The following MOBP variants were observed in gnomAD, a reference collection of about 807,000 sequenced individuals.
MOBP encodes the protein myelin associated oligodendrocyte basic protein, also known as myelin-associated oligodendrocyte basic protein.
MOBP carries 5 observed loss-of-function variants against 15.0 expected under a neutral mutation model. That is an observed-to-expected ratio of 0.33 (90% CI 0.17 to 0.70). MOBP has a LOEUF of 0.70. MOBP is among the 30% of genes least tolerant of loss of function. The probability of loss-of-function intolerance (pLI) is 0.67; values close to 1 mark genes in which losing one functional copy is unlikely to be tolerated. For missense variants in MOBP, 188 were observed against 257.8 expected, an observed-to-expected ratio of 0.73 and a Z score of 1.85; for synonymous variants, 88 against 99.0, an observed-to-expected ratio of 0.89 and a Z score of 0.66.
chr3:39,527,516 A>G (rs1197834194), downstream of MOBP: 4 of 144,300 alleles, frequency 2.8e-5, no homozygotes, highest in East Asian at 2.0e-4. Flanking sequence ...ATCTCAGCTC[A>G]TTGCAACCTC....
At chr3:39,513,072 G>A (rs980584459) in intron 4 of MOBP, among the ~76,000 whole-genome samples, 1 of 152,124 alleles carries the variant, frequency 6.6e-6, no homozygotes, top group Non-Finnish European at 1.5e-5. Context: ...AGGAGTGGGT[G>A]TACTTTAATT....
In MOBP at chr3:39,502,236, A is replaced by C; in HGVS notation, c.167A>C (p.Lys56Thr). 6.2e-7 allele frequency: 1 copy of C among 1,614,212 alleles called. No homozygotes were observed. The highest frequency in any genetic ancestry group is 8.5e-7 in the Non-Finnish European group (1 of 1,180,040). The change falls in exon 3 of 4, where the codon AAA becomes ACA. Residue 56 changes from lysine to threonine, a missense_variant. Physicochemically the swap from Lys to Thr is moderately conservative, Grantham distance 78 (BLOSUM62 -1). Around this residue, in one of 2 missense-constraint regions of MOBP, gnomAD observed 133 missense variants for 212.5 expected, o/e 0.63. Transcript: ENST00000684792. The surrounding 1 kb of genome is among the most constrained non-coding windows in gnomAD (Gnocchi z 6.3). ...ICKSGCFYQK[K>T]EEDWICCACQ... ...AAGAGCGGCTGCTTCTACCAGAAGAAAGAGGAGGACTGGATCTGCTGCGCC... is the reference window on the plus strand; with the variant it reads ...AAGAGCGGCTGCTTCTACCAGAAGACAGAGGAGGACTGGATCTGCTGCGCC...
chr3:39,509,643 C>T (rs2043094415), intron 4 of MOBP, among the ~76,000 whole-genome samples: 2 of 152,150 alleles, frequency 1.3e-5, no homozygotes, highest in Admixed American at 1.3e-4. Flanking sequence ...AGCATTTTCT[C>T]CAGGTCTGTG....
At chr3:39,509,348 T>C (rs1326278176) in intron 4 of MOBP, among the ~76,000 whole-genome samples, 1 of 152,218 alleles carries the variant, frequency 6.6e-6, no homozygotes, top group Non-Finnish European at 1.5e-5. Flanking sequence ...TTCCTACCAG[T>C]AACCTGGGCT....
At chr3:39,484,867 G>A (rs1214580130) in intron 2 of MOBP, among the ~76,000 whole-genome samples, 1 of 152,242 alleles carries the variant, frequency 6.6e-6, no homozygotes, top group African/African-American at 2.4e-5. Flanking sequence ...AACTTTATGA[G>A]ATAGTTGCAG....
At chr3:39,488,494 T>G (rs1358941415) in intron 2 of MOBP, among the ~76,000 whole-genome samples, 3 of 152,218 alleles carry the variant, frequency 2.0e-5, no homozygotes, top group African/African-American at 7.2e-5. Context: ...ATTGTTAGGT[T>G]TCTTTTCTTG....
intron 2 of MOBP, among the ~76,000 whole-genome samples, chr3:39,496,918 C>T (rs2042895639): frequency 1.3e-5 from 2 of 152,182 alleles, no homozygotes; most frequent in Admixed American, 1.3e-4. Flanking sequence ...CTGCCTCAGT[C>T]TCCCAAAGTG....
chr3:39,482,771 A>ACAGCT (rs1319960563), intron 2 of MOBP, among the ~76,000 whole-genome samples: 1 of 151,612 alleles, frequency 6.6e-6, no homozygotes, highest in Non-Finnish European at 1.5e-5. Flanking sequence ...ATGTCAGTTC[A>ACAGCT]CAGCTCAGCC....
At position 39,502,167 on chromosome 3, in the gene MOBP, T is replaced by C; in HGVS notation, c.98T>C (p.Leu33Pro). ...SIHCCPPFTF[L>P]NSKKEIVDRK... is the part of the protein sequence containing the mutation. ...CACTGCTGCCCGCCGTTCACCTTCCTCAATTCCAAGAAGGAGATAGTGGAT... is the reference window on the plus strand; with the variant it reads ...CACTGCTGCCCGCCGTTCACCTTCCCCAATTCCAAGAAGGAGATAGTGGAT... Residue 33 changes from leucine (L) to proline (P), a missense_variant, in exon 3 of 4, where the codon CTC (leucine) becomes CCC (proline). Leu to Pro is a moderately conservative substitution (Grantham distance 98). Coordinates refer to ENST00000684792, the MANE Select transcript of MOBP (RefSeq NM_001393704.1). The surrounding 1 kb of genome is among the most constrained non-coding windows in gnomAD (Gnocchi z 6.3). 1 of 1,614,184 alleles carries C rather than the reference T, an allele frequency of 6.2e-7. No individual in the cohort carries two copies.
Position 39,510,461 on chromosome 3 carries a change from A to G in MOBP, c.*-2922A>G, listed in dbSNP as rs1030433139. Among the ~76,000 whole-genome samples, 4 of 152,292 alleles carry G rather than the reference A, an allele frequency of 2.6e-5. No homozygotes were observed. In the East Asian group the frequency reaches 5.8e-4, roughly 22 times the overall value. Reference sequence around the variant, plus strand: ...GTCTGATAATTCATGAACATGGTATATCTCTCTATTTATTTAGGTCTTTTT... The same window carrying G: ...GTCTGATAATTCATGAACATGGTATGTCTCTCTATTTATTTAGGTCTTTTT... On this transcript the variant is annotated intron_variant, in intron 4 of 4. Coordinates refer to the MOBP transcript ENST00000311042.
chr3:39,491,629 G>T (rs1382830496), intron 2 of MOBP, among the ~76,000 whole-genome samples: 1 of 152,198 alleles, frequency 6.6e-6, no homozygotes, highest in Non-Finnish European at 1.5e-5. Flanking sequence ...TTCCTCTATG[G>T]TGTAAAATGC....
Position 39,502,219 on chromosome 3 carries a change from C to A in MOBP, c.150C>A (p.Gly50=), listed in dbSNP as rs369099494. The change falls in exon 3 of 4, where the codon GGC becomes GGA. Residue 50 remains glycine, a synonymous_variant. Coordinates refer to ENST00000684792, the MANE Select transcript of MOBP (RefSeq NM_001393704.1). The surrounding 1 kb of genome is among the most constrained non-coding windows in gnomAD (Gnocchi z 6.3). The part of the protein sequence containing the change: ...VDRKYSICKS[G]CFYQKKEEDW... Reference sequence around the variant, plus strand: ...GGAAATACAGCATCTGTAAGAGCGGCTGCTTCTACCAGAAGAAAGAGGAGG... The same window carrying A: ...GGAAATACAGCATCTGTAAGAGCGGATGCTTCTACCAGAAGAAAGAGGAGG... 9 of 1,614,128 alleles carry A rather than the reference C, an allele frequency of 5.6e-6. No homozygotes were observed. The African/African-American group carries it at 1.2e-4, about 22-fold the overall frequency.
chr3:39,514,382 A>C (rs1221392303), exon 5 of MOBP: 1 of 151,432 alleles, frequency 6.6e-6, no homozygotes, highest in East Asian at 1.9e-4. Context: ...CTTCCCCCCG[A>C]CCCTACCCCA....
At chr3:39,511,008 T>C (rs75538068) in intron 4 of MOBP, among the ~76,000 whole-genome samples, 7 of 152,346 alleles carry the variant, frequency 4.6e-5, no homozygotes, top group Non-Finnish European at 2.9e-5. Flanking sequence ...ACTTTCCTCA[T>C]GGCCTATTGA....
chr3:39,499,772 T>G (rs2042943260), intron 2 of MOBP: 1 of 310,486 alleles, frequency 3.2e-6, no homozygotes, highest in Non-Finnish European at 6.3e-6. Context: ...CCTGCCTCAT[T>G]GCCTGTGTCC....
intron 1 of MOBP, among the ~76,000 whole-genome samples, chr3:39,474,681 T>C (rs1279815522): frequency 6.6e-6 from 1 of 152,212 alleles, no homozygotes; most frequent in African/African-American, 2.4e-5. Flanking sequence ...ATTTTAATAC[T>C]ACATATGTAT....
chr3:39,494,794 C>CA, intron 2 of MOBP, among the ~76,000 whole-genome samples: 1 of 120,500 alleles, frequency 8.3e-6, no homozygotes, highest in Non-Finnish European at 1.7e-5. Context: ...CCCCCCCCGC[C>CA]CCCCGAGTTA....
intron 2 of MOBP, among the ~76,000 whole-genome samples, chr3:39,480,578 AG>A (rs1181161209): frequency 1.3e-5 from 2 of 152,140 alleles, no homozygotes. Context: ...CAGGTTTGAG[AG>A]GGGGGTCAGT....
chr3:39,521,877 C>G (rs2043272551), intron 3 of MOBP, among the ~76,000 whole-genome samples: 1 of 152,218 alleles, frequency 6.6e-6, no homozygotes, highest in Non-Finnish European at 1.5e-5. Context: ...CCACATGGGG[C>G]TTGATACCAA....
Sources: allele counts gnomAD v4.1 joint callset (sites outside exome capture counted in the v4.1 genomes callset), GRCh38; gene constraint gnomAD v4.1.1; regional missense constraint gnomAD v4.1.1; non-coding constraint Gnocchi (gnomAD v3.1); transcripts MANE v1.5; gene names NCBI Gene and HGNC (gene_info 2026-07-23, HGNC 2026-07-21).